The following OTUD3 variants were observed in gnomAD, a reference collection of about 807,000 sequenced individuals.
OTUD3 encodes the protein OTU domain-containing protein 3.
In OTUD3, 24 loss-of-function variants were observed where a neutral mutation model predicts 46.2. The ratio of observed to expected loss-of-function variants is 0.52; its 90% CI spans 0.38 to 0.73. The LOEUF is 0.73. Among genes scored for constraint, OTUD3 ranks in the 30% least tolerant of loss-of-function variants. The probability of loss-of-function intolerance (pLI) is 0.00; values close to 1 mark genes in which losing one functional copy is unlikely to be tolerated. For synonymous variants in OTUD3, 189 were observed against 195.4 expected (o/e 0.97, Z 0.27); for missense variants, 455 against 523.3 (o/e 0.87, Z 1.27).
chr1:19,903,224 A>AT (rs1416046418), intron 4 of OTUD3, among the ~76,000 whole-genome samples: 3 of 150,096 alleles, frequency 2.0e-5, no homozygotes, highest in South Asian at 4.2e-4. Context: ...ATTCTTTTGT[A>AT]TTTTTTTTGT....
chr1:19,888,092 G>T (rs1055928772), intron 1 of OTUD3, among the ~76,000 whole-genome samples: 1 of 152,162 alleles, frequency 6.6e-6, no homozygotes, highest in African/African-American at 2.4e-5. Flanking sequence ...GGGACATTTG[G>T]CAATGTCTAG....
chr1:19,907,479 A>G (rs2045675780), intron 7 of OTUD3, 91 bp from the exon 8 acceptor site: 1 of 1,246,970 alleles, frequency 8.0e-7, no homozygotes, highest in South Asian at 1.4e-5. Context: ...GCTGAAAAGC[A>G]ATCTGTGCCC....
At position 19,882,577 on chromosome 1, in the gene OTUD3, C is replaced by T; in HGVS notation, c.64C>T (p.Arg22Cys). 7 of 1,399,260 alleles carry T rather than the reference C, an allele frequency of 5.0e-6. No individual in the cohort carries two copies. Among genetic ancestry groups the T allele is most frequent in the South Asian group, 3.2e-5 (2 of 62,208 alleles). 86.7% of individuals were successfully genotyped at this position (1,399,260 alleles called of 1,614,324 possible). ...CGGCAGCCGGAAAGCCGAGGCCGAGCGCAAGCGGGACGAGCGGGCGGCGCG... is the reference window on the plus strand; with the variant it reads ...CGGCAGCCGGAAAGCCGAGGCCGAGTGCAAGCGGGACGAGCGGGCGGCGCG... ...GSGSRKAEAE[R>C]KRDERAARRA... The change falls in exon 1 of 8, where the codon CGC (arginine) becomes TGC (cysteine). Residue 22 changes from arginine (R) to cysteine (C), a missense_variant. Physicochemically the swap from Arg to Cys is radical, Grantham distance 180 (BLOSUM62 -3). Coordinates refer to ENST00000375120, the MANE Select transcript of OTUD3 (RefSeq NM_015207.2).
chr1:19,901,013 G>T (rs1349790431), intron 4 of OTUD3, among the ~76,000 whole-genome samples: 1 of 149,000 alleles, frequency 6.7e-6, no homozygotes, highest in Non-Finnish European at 1.5e-5. Context: ...GGGTTCAAGC[G>T]ATTCTCCTGC....
chr1:19,882,788 C>T (rs1240557649), intron 1 of OTUD3, 54 bp downstream of exon 1: 7 of 1,254,546 alleles, frequency 5.6e-6, no homozygotes, highest in South Asian at 2.8e-5. Context: ...CCGGGCTCGG[C>T]CTGGCGACCG....
intron 4 of OTUD3, 31 bp from the exon 5 acceptor site, chr1:19,904,236 T>C (rs1447660510): frequency 6.5e-7 from 1 of 1,543,146 alleles, no homozygotes; most frequent in East Asian, 2.3e-5. Flanking sequence ...ATTCTCAACA[T>C]AGTTCCCTGA....
intron 1 of OTUD3, among the ~76,000 whole-genome samples, chr1:19,883,130 A>T (rs906460975): frequency 3.3e-5 from 5 of 152,196 alleles, no homozygotes; most frequent in East Asian, 1.9e-4. Context: ...CAGTTGAAGG[A>T]GTTTGAGTAA....
At chr1:19,906,909 T>C (rs950418444) in intron 7 of OTUD3, 1 of 226,930 alleles carries the variant, frequency 4.4e-6, no homozygotes, top group Non-Finnish European at 8.6e-6. Flanking sequence ...CCCATGTTTA[T>C]CCATGTTTTT....
intron 4 of OTUD3, among the ~76,000 whole-genome samples, chr1:19,898,019 G>A (rs1006643300): frequency 2.7e-5 from 4 of 150,866 alleles, no homozygotes; most frequent in Middle Eastern, 3.4e-3. Flanking sequence ...GTGCGATCTC[G>A]GCTCACCCAA....
At position 19,909,162 on chromosome 1, in the gene OTUD3, T is replaced by G. The variant is rs186513313; in HGVS notation, c.*1416T>G. ...CCCCACCCCTCGCATTTCAGAATTA[T>G]AAAAATTCGGAGGCAAATTGAAAAC... On this transcript the variant is annotated 3_prime_UTR_variant, in exon 8 of 8. Coordinates refer to ENST00000375120, the MANE Select transcript of OTUD3 (RefSeq NM_015207.2). The G allele has an allele frequency of 6.6e-6, 1 of 152,330 alleles. No homozygotes were observed. The highest frequency in any genetic ancestry group is 6.5e-5 in the Admixed American group (1 of 15,286). The allele number at this position is 152,330 out of a possible 1,614,324, so 9.4% of individuals were successfully genotyped here.
At position 19,887,646 on chromosome 1, in the gene OTUD3, A is replaced by C. The variant is rs549240542; in HGVS notation, c.222-2739A>C. Among the ~76,000 whole-genome samples, 3 of 152,312 alleles carry C rather than the reference A, an allele frequency of 2.0e-5. No individual in the cohort carries two copies. In the East Asian group the frequency reaches 5.8e-4, roughly 29 times the overall value. The stretch of plus-strand genomic sequence containing the variant: ...CAAAATCTATGTCTCTGTGGCTTCC[A>C]GGTTTTCGTTTTATTATACAGGTAT... On this transcript the variant is annotated intron_variant, in intron 1 of 7. Transcript: ENST00000375120.
chr1:19,906,695 T>G (rs1308923842), intron 7 of OTUD3, 79 bp downstream of exon 7: 28 of 1,235,790 alleles, frequency 2.3e-5, no homozygotes, highest in Non-Finnish European at 3.0e-5. Flanking sequence ...AGATTAATTT[T>G]ATTTGTATTT....
At chr1:19,885,763 T>C (rs1401431981) in intron 1 of OTUD3, among the ~76,000 whole-genome samples, 1 of 152,222 alleles carries the variant, frequency 6.6e-6, no homozygotes, top group African/African-American at 2.4e-5. Context: ...CAACGGATTC[T>C]TTTATTAATG....
intron 6 of OTUD3, among the ~76,000 whole-genome samples, chr1:19,905,925 A>G (rs2045654943): frequency 6.6e-6 from 1 of 152,192 alleles, no homozygotes; most frequent in African/African-American, 2.4e-5. Context: ...ATCTGTAAGT[A>G]ACTTGGTCTT....
At chr1:19,883,267 A>G (rs2045301448) in intron 1 of OTUD3, among the ~76,000 whole-genome samples, 2 of 152,174 alleles carry the variant, frequency 1.3e-5, no homozygotes, top group Admixed American at 6.5e-5. Context: ...TCTTCCTTCC[A>G]TGGGCCTCAG....
At chr1:19,898,672 G>A (rs184337293) in intron 4 of OTUD3, among the ~76,000 whole-genome samples, 3 of 150,202 alleles carry the variant, frequency 2.0e-5, no homozygotes, top group Non-Finnish European at 4.4e-5. Context: ...AGGTTGCAGT[G>A]AGTCGACATA....
At position 19,911,377 on chromosome 1, in the gene OTUD3, C is replaced by T. The variant is rs548941843; in HGVS notation, c.*3631C>T. Reference sequence around the variant, plus strand: ...CTTTTTATAAGTTATGTTTTCCTGGCTCTAAAGTAAATTTTTTTTTTTTTT... The same window carrying T: ...CTTTTTATAAGTTATGTTTTCCTGGTTCTAAAGTAAATTTTTTTTTTTTTT... On this transcript the variant is annotated 3_prime_UTR_variant, in exon 8 of 8. Coordinates refer to ENST00000375120, the MANE Select transcript of OTUD3 (RefSeq NM_015207.2). 2 of 149,182 alleles carry T rather than the reference C, an allele frequency of 1.3e-5. No homozygotes were observed. Among genetic ancestry groups the T allele is most frequent in the African/African-American group, 2.5e-5 (1 of 39,936 alleles). The allele number at this position is 149,182 out of a possible 1,614,324, so 9.2% of individuals were successfully genotyped here.
chr1:19,884,924 ACTC>A lies in OTUD3; in HGVS notation c.221+2191_221+2193del, dbSNP rs745568816. On this transcript the variant is annotated intron_variant, in intron 1 of 7. Coordinates refer to ENST00000375120, the MANE Select transcript of OTUD3 (RefSeq NM_015207.2). ...TACTATTGAGAAGGAAAAGGCTACT[ACTC>A]TATGAATTGGCCAGGAAGTCCTTCT... Among the ~76,000 whole-genome samples, 24 of 152,136 alleles carry A rather than the reference ACTC, an allele frequency of 1.6e-4. 1 individual carries two copies. The highest frequency in any genetic ancestry group is 1.3e-4 in the Admixed American group (2 of 15,276).
chr1:19,912,589 A>G lies in OTUD3; in HGVS notation c.*4843A>G, dbSNP rs911865436. ...GGCCTTCTCTCTTTCTAATTGCACT[A>G]TACTTGTTCTAGCTTCAGTCTGGAG... On this transcript the variant is annotated 3_prime_UTR_variant, in exon 8 of 8. Coordinates refer to ENST00000375120, the MANE Select transcript of OTUD3 (RefSeq NM_015207.2). 6 of 152,388 alleles carry G rather than the reference A, an allele frequency of 3.9e-5. No homozygotes were observed. Among genetic ancestry groups the G allele is most frequent in the Admixed American group, 6.5e-5 (1 of 15,280 alleles). The allele number at this position is 152,388 out of a possible 1,614,324, so 9.4% of individuals were successfully genotyped here. A position where few individuals can be genotyped will look rare whatever the true frequency, so the allele number is the denominator to read the frequency against.
Sources: gnomAD v4.1 joint callset for allele counts (sites outside exome capture counted in the v4.1 genomes callset) on GRCh38, gnomAD v4.1.1 for gene constraint, MANE v1.5 for transcripts, NCBI Gene and HGNC (gene_info 2026-07-23, HGNC 2026-07-21) for gene names.